The following URI1 variants were observed in gnomAD, a reference collection of about 807,000 sequenced individuals.
URI1 encodes the protein unconventional prefoldin RPB5 interactor 1.
In URI1, 39 loss-of-function variants were observed where a neutral mutation model predicts 60.2. The observed-to-expected ratio is 0.65, with a 90% CI of 0.50 to 0.85. The LOEUF (loss-of-function observed/expected upper bound fraction) is 0.85. Ranked by LOEUF, URI1 falls within the 40% of genes least tolerant of loss-of-function variation. The probability of loss-of-function intolerance (pLI) is 0.00; values close to 1 mark genes in which losing one functional copy is unlikely to be tolerated. For missense variants in URI1, 691 were observed against 665.9 expected (o/e 1.04, Z -0.42); for synonymous variants, 251 against 236.8 (o/e 1.06, Z -0.55).
chr19:29,985,194 T>C (rs2055651832), intron 2 of URI1, 29 bp from the exon 3 acceptor site: 1 of 912,812 alleles, frequency 1.1e-6, no homozygotes, highest in Non-Finnish European at 1.6e-6. Flanking sequence ...TCGTTAATAA[T>C]GTGTGTATTT....
intron 4 of URI1, among the ~76,000 whole-genome samples, chr19:30,003,430 A>G (rs529492489): frequency 2.6e-5 from 4 of 152,200 alleles, no homozygotes; most frequent in African/African-American, 9.6e-5. Flanking sequence ...TCTGATATAA[A>G]GTATATGCTT....
At position 30,011,066 on chromosome 19, in the gene URI1, T is replaced by C; in HGVS notation, c.1036-28T>C. On this transcript the variant is annotated intron_variant, in intron 8 of 10. Transcript: ENST00000392271. ...CACTTTGATTTAATTTGTCAAAAGA[T>C]TCTTAATTTCTTGCTCTGAAATTTT... 4 of 1,591,802 alleles carry C rather than the reference T, an allele frequency of 2.5e-6. No individual in the cohort carries two copies. The African/African-American group carries it at 5.5e-5, about 22-fold the overall frequency.
intron 1 of URI1, among the ~76,000 whole-genome samples, chr19:29,960,027 T>C (rs2055301861): frequency 6.6e-6 from 1 of 152,176 alleles, no homozygotes; most frequent in South Asian, 2.1e-4. Flanking sequence ...TCATTTTCCT[T>C]ATCAGTCATT....
At chr19:29,952,365 T>C (rs2055190831) in intron 1 of URI1, among the ~76,000 whole-genome samples, 1 of 152,252 alleles carries the variant, frequency 6.6e-6, no homozygotes, top group Non-Finnish European at 1.5e-5. Context: ...GTTGAATGAC[T>C]GACTGGATGG....
intron 2 of URI1, among the ~76,000 whole-genome samples, chr19:29,973,073 T>G (rs1174405892): frequency 6.6e-6 from 1 of 152,174 alleles, no homozygotes; most frequent in Non-Finnish European, 1.5e-5. Flanking sequence ...CAATTCATTA[T>G]ATCAAAAAAT....
intron 1 of URI1, chr19:29,956,960 A>G (rs536587565): frequency 8.2e-5 from 76 of 925,286 alleles, no homozygotes; most frequent in South Asian, 4.5e-4. Context: ...TGGAATGTCA[A>G]CAGTCTGATT....
At chr19:29,962,800 A>G (rs1197888687) in intron 1 of URI1, among the ~76,000 whole-genome samples, 1 of 152,160 alleles carries the variant, frequency 6.6e-6, no homozygotes, top group East Asian at 1.9e-4. Flanking sequence ...CTTTTAATGA[A>G]AGTCTGCTGG....
chr19:29,949,819 A>G (rs1001594922), intron 1 of URI1, among the ~76,000 whole-genome samples: 1 of 152,086 alleles, frequency 6.6e-6, no homozygotes, highest in Non-Finnish European at 1.5e-5. Context: ...CTGAGGCAGG[A>G]GAATCAGGCA....
chr19:30,001,357 C>T (rs1400034706), intron 4 of URI1, among the ~76,000 whole-genome samples: 6 of 151,794 alleles, frequency 4.0e-5, no homozygotes, highest in Non-Finnish European at 7.4e-5. Flanking sequence ...TCAGCAGATT[C>T]TACAAAAGAG....
chr19:29,995,917 A>G (rs2055806795), intron 4 of URI1, among the ~76,000 whole-genome samples: 1 of 152,128 alleles, frequency 6.6e-6, no homozygotes, highest in Non-Finnish European at 1.5e-5. Context: ...ATTTGGTCAT[A>G]CATTTATGAG....
At chr19:29,965,311 A>G (rs1017035315) in intron 1 of URI1, among the ~76,000 whole-genome samples, 2 of 152,190 alleles carry the variant, frequency 1.3e-5, no homozygotes, top group Non-Finnish European at 2.9e-5. Flanking sequence ...GGAGAAGGGC[A>G]GGGTTTCTAC....
chr19:29,975,154 A>G (rs188748201), intron 2 of URI1, among the ~76,000 whole-genome samples: 46 of 152,252 alleles, frequency 3.0e-4, no homozygotes, highest in African/African-American at 1.0e-3. Flanking sequence ...AGAAATCTCC[A>G]AACTGCTGTC....
In URI1 at chr19:29,942,668, A is replaced by G; in HGVS notation, c.117+4A>G. ...GCTGCGCGAGGAGCAGGAAAAGGTA[A>G]CTAGCAGCCCCGCGCCGCTTCCGCC... On this transcript the variant is annotated splice_donor_region_variant and intron_variant, in intron 1 of 10. Coordinates refer to ENST00000392271, the MANE Select transcript of URI1 (RefSeq NM_003796.3). The G allele has an allele frequency of 7.1e-7, 1 of 1,416,094 alleles. No homozygotes were observed. The allele number at this position is 1,416,094 out of a possible 1,614,324, so 87.7% of individuals were successfully genotyped here.
At position 29,954,511 on chromosome 19, in the gene URI1, C is replaced by CTTTT. The variant is rs11411965; in HGVS notation, c.117+11864_117+11867dup. Among the ~76,000 whole-genome samples the CTTTT allele has an allele frequency of 3.8e-3, 441 of 115,876 alleles. 18 individuals are homozygous for CTTTT. The highest frequency in any genetic ancestry group is 0.014 in the African/African-American group (416 of 29,870). 76.0% of individuals were successfully genotyped at this position (115,876 alleles called of 152,430 possible). A position where few individuals can be genotyped will look rare whatever the true frequency, so the allele number is the denominator to read the frequency against. On this transcript the variant is annotated intron_variant, in intron 1 of 10. Transcript: ENST00000392271. ...GCTCTTACTTACCCCTACAGATAAA[C>CTTTT]TTTTTTTTTTTTTTTTTTTTGAGAC...
intron 1 of URI1, among the ~76,000 whole-genome samples, chr19:29,961,534 A>G (rs2055323786): frequency 6.6e-6 from 1 of 152,114 alleles, no homozygotes; most frequent in South Asian, 2.1e-4. Flanking sequence ...TATAGAATGT[A>G]TTATGCAGTG....
intron 1 of URI1, among the ~76,000 whole-genome samples, chr19:29,955,226 A>C (rs1349153708): frequency 2.0e-5 from 3 of 151,592 alleles, no homozygotes. Flanking sequence ...GGCCTCCCAA[A>C]GTGCTGAGAT....
intron 1 of URI1, among the ~76,000 whole-genome samples, chr19:29,967,974 A>G (rs1249158026): frequency 6.6e-6 from 1 of 152,212 alleles, no homozygotes; most frequent in East Asian, 1.9e-4. Context: ...GGTTAAAGAC[A>G]GTTTTGTGTT....
chr19:30,016,421 C>T lies in URI1; in HGVS notation c.*1352C>T, dbSNP rs1240256982. 6.6e-6 allele frequency: 1 copy of T among 152,060 alleles called. No homozygotes were observed. The highest frequency in any genetic ancestry group is 2.4e-5 in the African/African-American group (1 of 41,420). 9.4% of individuals were successfully genotyped at this position (152,060 alleles called of 1,614,324 possible). ...GTAGGTAAATCTTTCAGTCCATGCC[C>T]CAACCCTCACCAAAACCAAAGCAGA... On this transcript the variant is annotated 3_prime_UTR_variant, in exon 11 of 11. Coordinates refer to ENST00000392271, the MANE Select transcript of URI1 (RefSeq NM_003796.3).
rs192961990 is a variant in URI1 at position 30,005,742 on chromosome 19, T to G, written c.517+34T>G. The G allele has an allele frequency of 2.7e-5, 43 of 1,574,846 alleles. No individual in the cohort carries two copies. In the South Asian group the frequency reaches 4.7e-4, roughly 17 times the overall value. ...TAAGATTGTTTTATGTGTAGCTGTT[T>G]AGATATTTTGATTTTTGTTGATTTT... On this transcript the variant is annotated intron_variant, in intron 6 of 10. Coordinates refer to ENST00000392271, the MANE Select transcript of URI1 (RefSeq NM_003796.3).
Sources: gnomAD v4.1 joint callset for allele counts (sites outside exome capture counted in the v4.1 genomes callset) on GRCh38, gnomAD v4.1.1 for gene constraint, MANE v1.5 for transcripts, NCBI Gene and HGNC (gene_info 2026-07-23, HGNC 2026-07-21) for gene names.